The following NSMAF variants were observed in gnomAD, a reference collection of about 807,000 sequenced individuals.
NSMAF encodes neutral sphingomyelinase activation associated factor, also known as protein FAN.
In NSMAF, 90 loss-of-function variants were observed where a neutral mutation model predicts 134.9. The observed-to-expected ratio is 0.67, with a 90% confidence interval of 0.56 to 0.79. The LOEUF (loss-of-function observed/expected upper bound fraction) is 0.79. Among genes scored for constraint, NSMAF ranks in the 30% least tolerant of loss-of-function variants. The probability of loss-of-function intolerance (pLI) is 0.00; values close to 1 mark genes in which losing one functional copy is unlikely to be tolerated. For missense variants in NSMAF, 1,010 were observed against 1,119.0 expected (o/e 0.90, Z 1.39); for synonymous variants, 358 against 389.6 (o/e 0.92, Z 0.96).
At chr8:58,628,482 A>G (rs568458263) in intron 6 of NSMAF, among the ~76,000 whole-genome samples, 3 of 152,284 alleles carry the variant, frequency 2.0e-5, no homozygotes, top group South Asian at 2.1e-4. Context: ...CTCAAATTAC[A>G]TCCATTTATA....
intron 1 of NSMAF, chr8:58,659,066 A>G: frequency 1.4e-6 from 1 of 719,512 alleles, no homozygotes; most frequent in Non-Finnish European, 2.1e-6. Flanking sequence ...AGGCGCGGCA[A>G]TGCGAGTGGG....
At chr8:58,632,836 T>C (rs1258278014) in intron 5 of NSMAF, among the ~76,000 whole-genome samples, 2 of 152,204 alleles carry the variant, frequency 1.3e-5, no homozygotes, top group Admixed American at 6.5e-5. Context: ...AGCCTGCTCC[T>C]TCCCAACTCT....
chr8:58,628,027 T>A (rs758511002), intron 6 of NSMAF, among the ~76,000 whole-genome samples: 7 of 152,146 alleles, frequency 4.6e-5, no homozygotes, highest in Non-Finnish European at 1.0e-4. Flanking sequence ...GGGGCTAGTA[T>A]AACAACAGGT....
At chr8:58,609,768 T>G in intron 9 of NSMAF, 35 bp from the exon 10 acceptor site, 1 of 1,608,714 alleles carries the variant, frequency 6.2e-7, no homozygotes. Flanking sequence ...GTAAGAAAAA[T>G]CAGAAATTGA....
intron 11 of NSMAF, 101 bp from the exon 12 acceptor site, chr8:58,606,136 T>C (rs1806406571): frequency 9.5e-7 from 1 of 1,052,390 alleles, no homozygotes; most frequent in East Asian, 3.0e-5. Flanking sequence ...TAAACATTTG[T>C]GTTTATTTTT....
intron 1 of NSMAF, among the ~76,000 whole-genome samples, chr8:58,650,191 T>A (rs1001174938): frequency 3.3e-5 from 5 of 152,208 alleles, no homozygotes; most frequent in African/African-American, 7.2e-5. Context: ...TTCCCTGTCA[T>A]AAATCAATGT....
At chr8:58,645,880 A>C (rs1039059345) in intron 1 of NSMAF, among the ~76,000 whole-genome samples, 1 of 151,996 alleles carries the variant, frequency 6.6e-6, no homozygotes, top group Non-Finnish European at 1.5e-5. Flanking sequence ...CTCTCTACTA[A>C]AAGTACAAAA....
Position 58,599,887 on chromosome 8 carries a change from A to G in NSMAF, c.1333-17T>C. On this transcript the variant is annotated splice_polypyrimidine_tract_variant and intron_variant, in intron 17 of 30. Coordinates refer to ENST00000038176, the MANE Select transcript of NSMAF (RefSeq NM_003580.4). ...TGGAATTAACTGAAAGTTTCGGGGA[A>G]AAATAAAAAAGAACAACAAACATGT... 1 of 1,613,002 alleles carries G rather than the reference A, an allele frequency of 6.2e-7. No individual in the cohort carries two copies. Among genetic ancestry groups the G allele is most frequent in the Non-Finnish European group, 8.5e-7 (1 of 1,179,728 alleles).
At chr8:58,609,864 G>T in intron 9 of NSMAF, 131 bp from the exon 10 acceptor site, 1 of 810,458 alleles carries the variant, frequency 1.2e-6, no homozygotes, top group East Asian at 2.8e-5. Context: ...AAGAAAAATG[G>T]TAATATAAAT....
chr8:58,588,910 C>G, intron 26 of NSMAF: 1 of 637,344 alleles, frequency 1.6e-6, no homozygotes, highest in Non-Finnish European at 2.8e-6. Context: ...GACCATTCAT[C>G]CCACAATGGA....
At position 58,642,855 on chromosome 8, in the gene NSMAF, A is replaced by C. The variant is rs927552844; in HGVS notation, c.149+129T>G. 9 of 699,496 alleles carry C rather than the reference A, an allele frequency of 1.3e-5. No individual in the cohort carries two copies. The South Asian group carries it at 1.6e-4, about 12-fold the overall frequency. The allele number at this position is 699,496 out of a possible 1,614,324, so 43.3% of individuals were successfully genotyped here. ...TAATCCTCAATAAAAGTCTAAATAA[A>C]ATTTACTTTAATTTTTTTTAAAGCC... On this transcript the variant is annotated intron_variant, in intron 2 of 30. Coordinates refer to ENST00000038176, the MANE Select transcript of NSMAF (RefSeq NM_003580.4).
intron 10 of NSMAF, among the ~76,000 whole-genome samples, 193 bp downstream of exon 10, chr8:58,609,411 A>T (rs1236779284): frequency 6.6e-6 from 1 of 152,052 alleles, no homozygotes; most frequent in Non-Finnish European, 1.5e-5. Context: ...GATCAGAAGA[A>T]CTCAAACTTC....
At chr8:58,595,263 C>T (rs1041682437) in intron 22 of NSMAF, among the ~76,000 whole-genome samples, 1 of 152,110 alleles carries the variant, frequency 6.6e-6, no homozygotes, top group African/African-American at 2.4e-5. Context: ...CTGTGTACTC[C>T]AATTTGAGAG....
chr8:58,626,091 C>CGTTTTTTT (rs1563537415), intron 6 of NSMAF, among the ~76,000 whole-genome samples: 1 of 99,370 alleles, frequency 1.0e-5, no homozygotes. Context: ...TTATATAATT[C>CGTTTTTTT]TTTTTTTTTT....
chr8:58,595,583 G>C lies in NSMAF; in HGVS notation c.1869C>G (p.His623Gln). 1.9e-6 allele frequency: 3 copies of C among 1,613,434 alleles called. No individual in the cohort carries two copies. The highest frequency in any genetic ancestry group is 2.5e-6 in the Non-Finnish European group (3 of 1,179,358). The stretch of plus-strand genomic sequence containing the variant: ...ACTCTTTGTGGATTTTATAGTGCTC[G>C]TGTAACTGCAGTTTGGTGATGTTAT... ...AWNNITKLQL[H>Q]EHYKIHKEAV... Residue 623 changes from histidine (H) to glutamine (Q), a missense_variant, in exon 22 of 31, where the codon CAC becomes CAG. By Grantham distance (24) the His-to-Gln change is conservative. Coordinates refer to ENST00000038176, the MANE Select transcript of NSMAF (RefSeq NM_003580.4).
At chr8:58,628,283 C>A (rs991833637) in intron 6 of NSMAF, among the ~76,000 whole-genome samples, 1 of 152,042 alleles carries the variant, frequency 6.6e-6, no homozygotes, top group Non-Finnish European at 1.5e-5. Flanking sequence ...CATAAAAATT[C>A]TACATGATAA....
chr8:58,659,291 T>G, intron 1 of NSMAF: 1 of 1,523,566 alleles, frequency 6.6e-7, no homozygotes, highest in Non-Finnish European at 8.8e-7. Context: ...GGACCTGCAC[T>G]GCCGGATAGC....
At chr8:58,600,105 C>T in intron 16 of NSMAF, 84 bp from the exon 17 acceptor site, 1 of 948,370 alleles carries the variant, frequency 1.1e-6, no homozygotes, top group Non-Finnish European at 1.7e-6. Flanking sequence ...GGCTGTTCTA[C>T]ACTTTACCTG....
intron 1 of NSMAF, among the ~76,000 whole-genome samples, chr8:58,655,900 G>A (rs1485351504): frequency 1.3e-5 from 2 of 149,436 alleles, no homozygotes; most frequent in Non-Finnish European, 3.0e-5. Context: ...GTGAGACTCC[G>A]TCTCAATAAA....
Sources: allele counts gnomAD v4.1 joint callset (sites outside exome capture counted in the v4.1 genomes callset), GRCh38; gene constraint gnomAD v4.1.1; transcripts MANE v1.5; gene names NCBI Gene and HGNC (gene_info 2026-07-23, HGNC 2026-07-21).